ABCC1: variants seen among roughly 807,000 people sequenced by gnomAD.
The protein encoded by ABCC1 is ATP binding cassette subfamily C member 1 (ABCC1 blood group), also known as multidrug resistance-associated protein 1.
ABCC1 carries 83 observed loss-of-function variants against 172.9 expected under a neutral mutation model. That is an observed-to-expected ratio of 0.48 (90% confidence interval 0.40 to 0.58). ABCC1 has a LOEUF of 0.58. ABCC1 is among the 20% of genes least tolerant of loss of function. ABCC1 has a pLI of 0.00. For missense variants in ABCC1, 1,817 were observed against 2,002.7 expected (o/e 0.91, Z 1.77); for synonymous variants, 937 against 825.2 (o/e 1.14, Z -2.32).
chr16:16,134,216 C>G, intron 27 of ABCC1, 134 bp from the exon 28 acceptor site: 2 of 1,103,036 alleles, frequency 1.8e-6, no homozygotes, highest in Non-Finnish European at 2.7e-6. Context: ...GGGCAGCGCG[C>G]AAGGGAGAGG....
chr16:16,125,276 C>A (rs1415107061), intron 25 of ABCC1, among the ~76,000 whole-genome samples: 1 of 152,044 alleles, frequency 6.6e-6, no homozygotes, highest in Non-Finnish European at 1.5e-5. Context: ...AAATATTTTC[C>A]AGTTTCTTAT....
At chr16:16,110,961 G>A (rs917983543) in intron 21 of ABCC1, among the ~76,000 whole-genome samples, 2 of 152,044 alleles carry the variant, frequency 1.3e-5, no homozygotes, top group Admixed American at 6.6e-5. Flanking sequence ...AGTGCAGTGG[G>A]GCAATCTTGG....
chr16:16,033,011 A>G (rs998948494), intron 5 of ABCC1, 98 bp from the exon 6 acceptor site: 38 of 1,179,836 alleles, frequency 3.2e-5, no homozygotes, highest in African/African-American at 7.5e-5. Flanking sequence ...TCTGGAAGGA[A>G]GAGTGAGCAG....
rs768562502 is a variant in ABCC1, at chr16:16,052,739, G to A, written c.1396G>A (p.Val466Ile). Residue 466 changes from valine (V) to isoleucine (I), a missense_variant, in exon 11 of 31, where the codon GTC (valine) becomes ATC (isoleucine). Coordinates refer to ENST00000399410, the MANE Select transcript of ABCC1 (RefSeq NM_004996.4). ...YLLWLNLGPS[V>I]LAGVAVMVLM... The stretch of plus-strand genomic sequence containing the variant: ...CCTTCCTTAGAATCTGGGCCCTTCC[G>A]TCCTGGCTGGAGTGGCGGTGATGGT... The A allele has an allele frequency of 1.1e-5, 18 of 1,614,016 alleles. No homozygotes were observed. Among genetic ancestry groups the A allele is most frequent in the East Asian group, 2.2e-5 (1 of 44,888 alleles).
At chr16:16,060,278 GC>G (rs1013723584) in intron 12 of ABCC1, among the ~76,000 whole-genome samples, 7 of 152,060 alleles carry the variant, frequency 4.6e-5, no homozygotes, top group African/African-American at 7.2e-5. Flanking sequence ...CCTTCCTCAT[GC>G]CCACAGCAGA....
intron 19 of ABCC1, among the ~76,000 whole-genome samples, chr16:16,098,488 G>A (rs577992273): frequency 1.3e-5 from 2 of 152,156 alleles, no homozygotes; most frequent in Admixed American, 6.5e-5. Flanking sequence ...GTGTGGTGGC[G>A]GGCACCTGTA....
At chr16:16,006,401 G>C (rs948245693) in intron 1 of ABCC1, among the ~76,000 whole-genome samples, 5 of 149,868 alleles carry the variant, frequency 3.3e-5, no homozygotes, top group African/African-American at 4.9e-5. Flanking sequence ...CTGGGCAACA[G>C]AGCAAGACCT....
intron 8 of ABCC1, 28 bp from the exon 9 acceptor site, chr16:16,045,808 T>G: frequency 6.2e-7 from 1 of 1,611,422 alleles, no homozygotes; most frequent in Non-Finnish European, 8.5e-7. Context: ...CACAAGTCAT[T>G]CCAGGCCCTC....
chr16:16,020,356 G>A (rs1054386070), intron 5 of ABCC1, among the ~76,000 whole-genome samples: 2 of 152,198 alleles, frequency 1.3e-5, no homozygotes, highest in African/African-American at 4.8e-5. Flanking sequence ...CAGGAAGCCT[G>A]AACTTCCCTC....
chr16:16,111,431 C>A lies in ABCC1; in HGVS notation c.2928C>A (p.Phe976Leu). 1 of 1,614,164 alleles carries A rather than the reference C, an allele frequency of 6.2e-7. No homozygotes were observed. The highest frequency in any genetic ancestry group is 1.1e-5 in the South Asian group (1 of 91,076). The change falls in exon 22 of 31, where the codon TTC (phenylalanine) becomes TTA (leucine). Residue 976 changes from phenylalanine to leucine, a missense_variant. Phe to Leu is a conservative substitution (Grantham distance 22, BLOSUM62 0). Transcript: ENST00000399410. The stretch of plus-strand genomic sequence containing the variant: ...AGGCCATCGGACTCTTCATCTCCTT[C>A]CTCAGCATCTTCCTTTTCATGTGTA... ...YMKAIGLFIS[F>L]LSIFLFMCNH...
chr16:16,125,742 A>AAAAAAAAG (rs1389635889), intron 25 of ABCC1, 68 bp from the exon 26 acceptor site: 2 of 1,194,496 alleles, frequency 1.7e-6, no homozygotes, highest in Admixed American at 2.4e-5. Context: ...CTCAGTGGAA[A>AAAAAAAAG]AAAAGAAAAA....
At chr16:16,005,525 T>A (rs2047497268) in intron 1 of ABCC1, among the ~76,000 whole-genome samples, 1 of 152,142 alleles carries the variant, frequency 6.6e-6, no homozygotes. Flanking sequence ...TTTTTTGTAC[T>A]TTAGTAGAGA....
chr16:16,071,663 C>A lies in ABCC1; in HGVS notation c.1846C>A (p.Leu616Met). 1 of 1,614,068 alleles carries A rather than the reference C, an allele frequency of 6.2e-7. No homozygotes were observed. The highest frequency in any genetic ancestry group is 8.5e-7 in the Non-Finnish European group (1 of 1,179,978). Residue 616 changes from leucine (L) to methionine (M), a missense_variant, in exon 14 of 31, where the codon CTG becomes ATG. By Grantham distance (15) the Leu-to-Met change is conservative. Around this residue, in one of 3 missense-constraint regions of ABCC1, gnomAD observed 1,412 missense variants for 1,600.3 expected, o/e 0.88. Coordinates refer to ENST00000399410, the MANE Select transcript of ABCC1 (RefSeq NM_004996.4). ...IVQASVSLKR[L>M]RIFLSHEELE... is the part of the protein sequence containing the mutation. ...ACAGGCGAGTGTCTCCCTCAAACGC[C>A]TGAGGATCTTTCTCTCCCATGAGGA...
intron 20 of ABCC1, 76 bp from the exon 21 acceptor site, chr16:16,106,662 G>C (rs955502037): frequency 1.3e-6 from 2 of 1,584,816 alleles, no homozygotes; most frequent in African/African-American, 2.7e-5. Context: ...ACCCACAATA[G>C]CAGTCCCAGC....
At chr16:15,987,473 TG>T (rs1388676149) in intron 1 of ABCC1, among the ~76,000 whole-genome samples, 1 of 152,200 alleles carries the variant, frequency 6.6e-6, no homozygotes, top group Non-Finnish European at 1.5e-5. Flanking sequence ...TGTTGACATT[TG>T]GGGCCAGATA....
At chr16:15,951,130 G>A (rs1443355503) in intron 1 of ABCC1, among the ~76,000 whole-genome samples, 1 of 152,156 alleles carries the variant, frequency 6.6e-6, no homozygotes, top group Non-Finnish European at 1.5e-5. Context: ...CTTCCTTGTT[G>A]CCAGGTGTAG....
intron 4 of ABCC1, among the ~76,000 whole-genome samples, chr16:16,015,715 G>A (rs2047969955): frequency 6.6e-6 from 1 of 152,184 alleles, no homozygotes; most frequent in African/African-American, 2.4e-5. Context: ...TTGGAGACTC[G>A]TTGGTTGTAG....
At chr16:16,058,627 C>G (rs1190469881) in intron 12 of ABCC1, among the ~76,000 whole-genome samples, 1 of 152,098 alleles carries the variant, frequency 6.6e-6, no homozygotes, top group African/African-American at 2.4e-5. Context: ...TCAGAATCAC[C>G]TGGAGAGCTT....
chr16:16,056,765 A>G (rs1226492938), intron 12 of ABCC1, among the ~76,000 whole-genome samples: 2 of 152,130 alleles, frequency 1.3e-5, no homozygotes, highest in African/African-American at 4.8e-5. Flanking sequence ...TTTTATTCAC[A>G]CTTAGCAGCT....
Sources: gnomAD v4.1 joint callset for allele counts (sites outside exome capture counted in the v4.1 genomes callset) on GRCh38, gnomAD v4.1.1 for gene constraint, gnomAD v4.1.1 regional missense constraint, MANE v1.5 for transcripts, NCBI Gene and HGNC (gene_info 2026-07-23, HGNC 2026-07-21) for gene names.